Variants in NR1H4 observed in about 807,000 individuals in gnomAD.
The protein encoded by NR1H4 is bile acid receptor.
A neutral mutation model predicts 58.5 loss-of-function variants in NR1H4; 23 were observed. The observed-to-expected ratio is 0.39, with a 90% CI of 0.28 to 0.56. NR1H4 has a LOEUF of 0.56. NR1H4 is among the 20% of genes least tolerant of loss of function. NR1H4 has a pLI of 0.58. For synonymous variants in NR1H4, 214 were observed against 198.0 expected, an observed-to-expected ratio of 1.08 and a Z score of -0.68; for missense variants, 487 against 576.9, an observed-to-expected ratio of 0.84 and a Z score of 1.60.
intron 5 of NR1H4, 56 bp downstream of exon 5, chr12:100,532,666 A>G (rs1954723358): frequency 6.6e-7 from 1 of 1,513,408 alleles, no homozygotes; most frequent in South Asian, 1.1e-5. Flanking sequence ...GGCAGATGTC[A>G]GGTAACTCAT....
intron 4 of NR1H4, among the ~76,000 whole-genome samples, chr12:100,530,090 C>G (rs1012506930): frequency 6.6e-6 from 1 of 152,168 alleles, no homozygotes; most frequent in Non-Finnish European, 1.5e-5. Context: ...ACTCTGAAGA[C>G]AAGGAATGTC....
At chr12:100,499,484 T>C (rs565486780) in intron 3 of NR1H4, among the ~76,000 whole-genome samples, 7 of 152,238 alleles carry the variant, frequency 4.6e-5, no homozygotes, top group Non-Finnish European at 8.8e-5. Flanking sequence ...TCTGGTTCTC[T>C]TGATAGTGGA....
intron 9 of NR1H4, among the ~76,000 whole-genome samples, 155 bp from the exon 10 acceptor site, chr12:100,561,730 C>T (rs921811973): frequency 6.6e-6 from 1 of 152,094 alleles, no homozygotes; most frequent in Admixed American, 6.6e-5. Flanking sequence ...TCACAATGTC[C>T]TTCCTTTGGA....
In NR1H4 at chr12:100,540,670, A is replaced by G; in HGVS notation, c.932-2A>G. On this transcript the variant is annotated splice_acceptor_variant, in intron 8 of 10. Coordinates refer to ENST00000392986, the MANE Select transcript of NR1H4 (RefSeq NM_001206979.2). LOFTEE classifies it high-confidence loss of function. ...ACCAATTTGATTATCATCATTACCT[A>G]GGATTTCAGACTTTGGACCATGAAG... 1.9e-6 allele frequency: 3 copies of G among 1,614,084 alleles called. No homozygotes were observed. Among genetic ancestry groups the G allele is most frequent in the Non-Finnish European group, 2.5e-6 (3 of 1,179,912 alleles).
chr12:100,503,120 G>C (rs1205138822), intron 3 of NR1H4, among the ~76,000 whole-genome samples: 4 of 152,152 alleles, frequency 2.6e-5, no homozygotes, highest in Non-Finnish European at 5.9e-5. Flanking sequence ...AGGACCCGGA[G>C]CATGGCACTT....
At chr12:100,511,654 G>T (rs1366098615) in intron 4 of NR1H4, among the ~76,000 whole-genome samples, 5 of 152,204 alleles carry the variant, frequency 3.3e-5, no homozygotes, top group African/African-American at 4.8e-5. Flanking sequence ...TGGCATGGTG[G>T]CTCATGCCTG....
At chr12:100,493,478 A>T in intron 3 of NR1H4, 76 bp downstream of exon 3, 1 of 761,230 alleles carries the variant, frequency 1.3e-6, no homozygotes, top group Non-Finnish European at 2.3e-6. Context: ...TGCCTAGATG[A>T]TGAGTCCAGC....
chr12:100,537,514 T>C (rs1954840330), intron 8 of NR1H4, among the ~76,000 whole-genome samples: 1 of 152,172 alleles, frequency 6.6e-6, no homozygotes, highest in African/African-American at 2.4e-5. Flanking sequence ...GTGATAATAA[T>C]AATGATAAAT....
At chr12:100,548,378 A>T (rs966231239) in intron 9 of NR1H4, among the ~76,000 whole-genome samples, 12 of 151,798 alleles carry the variant, frequency 7.9e-5, no homozygotes, top group African/African-American at 2.9e-4. Context: ...ATTAAAAAAA[A>T]AAAAAAAAGA....
chr12:100,503,533 C>G (rs778750541), intron 3 of NR1H4: 2 of 1,544,742 alleles, frequency 1.3e-6, no homozygotes, highest in Non-Finnish European at 1.7e-6. Flanking sequence ...AGGTCGAGCT[C>G]TTGCAACTGG....
intron 1 of NR1H4, among the ~76,000 whole-genome samples, chr12:100,488,482 A>T (rs532377088): frequency 2.0e-5 from 3 of 152,304 alleles, no homozygotes; most frequent in East Asian, 1.9e-4. Flanking sequence ...CTGAAATTTT[A>T]AAAAAATGTT....
At chr12:100,553,135 A>G (rs930744220) in intron 9 of NR1H4, among the ~76,000 whole-genome samples, 2 of 152,060 alleles carry the variant, frequency 1.3e-5, no homozygotes, top group Non-Finnish European at 2.9e-5. Flanking sequence ...AGTAGCTGGG[A>G]CTACAGGCGC....
intron 3 of NR1H4, chr12:100,500,000 T>G (rs1953798673): frequency 2.2e-6 from 1 of 455,836 alleles, no homozygotes; most frequent in Admixed American, 2.3e-5. Flanking sequence ...GCCACTAAAA[T>G]TCACTCTCAC....
intron 1 of NR1H4, among the ~76,000 whole-genome samples, chr12:100,482,994 C>T (rs1165611380): frequency 2.6e-5 from 4 of 152,118 alleles, no homozygotes; most frequent in East Asian, 1.9e-4. Context: ...GGCGCAATCT[C>T]GGCTCACTGC....
intron 3 of NR1H4, among the ~76,000 whole-genome samples, chr12:100,504,820 T>G (rs1007226389): frequency 6.6e-6 from 1 of 152,204 alleles, no homozygotes; most frequent in African/African-American, 2.4e-5. Context: ...TCATACCATC[T>G]CAAGTTCAGC....
rs1955098791 is a variant in NR1H4 at position 100,547,504 on chromosome 12, AG to A, written c.1078+6687del. On this transcript the variant is annotated intron_variant, in intron 9 of 10. Coordinates refer to ENST00000392986, the MANE Select transcript of NR1H4 (RefSeq NM_001206979.2). ...TATGCACAACTTCACAGAGTTCCCC[AG>A]AGTTTTCTGAGTCTGGGTCAGAATT... Among the ~76,000 whole-genome samples the A allele has an allele frequency of 1.3e-5, 2 of 152,092 alleles. 1 individual carries two copies. The highest frequency in any genetic ancestry group is 1.3e-4 in the Admixed American group (2 of 15,274).
At chr12:100,532,410 G>T (rs898916049) in intron 4 of NR1H4, 48 bp from the exon 5 acceptor site, 1 of 1,603,990 alleles carries the variant, frequency 6.2e-7, no homozygotes, top group South Asian at 1.1e-5. Context: ...TTTTTTTCCT[G>T]AGAAGCTGTG....
In NR1H4 at chr12:100,553,780, TC is replaced by T. The variant is rs567720197; in HGVS notation, c.1079-8103del. Among the ~76,000 whole-genome samples, 254 of 152,360 alleles carry T rather than the reference TC, an allele frequency of 1.7e-3. 2 individuals carry two copies. Among genetic ancestry groups the T allele is most frequent in the Middle Eastern group, 3.4e-3 (1 of 294 alleles). ...GACCTTCCCCACAGGCTGGTTCTCC[TC>T]CTGGTCATCTAATGGCCACAGCAGT... On this transcript the variant is annotated intron_variant, in intron 9 of 10. Transcript: ENST00000392986.
chr12:100,490,337 T>A (rs183527309), intron 1 of NR1H4, among the ~76,000 whole-genome samples: 4,642 of 152,172 alleles, frequency 0.031, 147 homozygotes, highest in East Asian at 0.14. Context: ...TGAACATGGC[T>A]CAAGGTTAAA....
Sources: gnomAD v4.1 joint callset for allele counts (sites outside exome capture counted in the v4.1 genomes callset) on GRCh38, gnomAD v4.1.1 for gene constraint, MANE v1.5 for transcripts, NCBI Gene and HGNC (gene_info 2026-07-23, HGNC 2026-07-21) for gene names.